Variants in FRMD3 observed in about 807,000 individuals in gnomAD.
FRMD3 encodes FERM domain-containing protein 3.
In FRMD3, 33 loss-of-function variants were observed where a neutral mutation model predicts 70.2. That is an observed-to-expected ratio of 0.47 (90% CI 0.36 to 0.63). FRMD3 has a LOEUF of 0.63. FRMD3 is among the 20% of genes least tolerant of loss of function. The pLI is 0.00. For synonymous variants in FRMD3, 279 were observed against 255.9 expected (o/e 1.09, Z -0.86); for missense variants, 632 against 711.4 (o/e 0.89, Z 1.27).
At chr9:83,271,748 A>G (rs949236383) in intron 13 of FRMD3, among the ~76,000 whole-genome samples, 2 of 152,196 alleles carry the variant, frequency 1.3e-5, no homozygotes, top group African/African-American at 2.4e-5. Flanking sequence ...GTAAGCTGAG[A>G]TAACTGCTCT....
intron 1 of FRMD3, among the ~76,000 whole-genome samples, chr9:83,516,298 A>G (rs1419988562): frequency 1.3e-5 from 2 of 152,132 alleles, no homozygotes; most frequent in East Asian, 3.9e-4. Flanking sequence ...TAGAAAGAAA[A>G]AAAAAAAAGC....
chr9:83,257,968 T>C (rs1428409505), intron 13 of FRMD3, among the ~76,000 whole-genome samples: 1 of 152,242 alleles, frequency 6.6e-6, no homozygotes, highest in East Asian at 1.9e-4. Context: ...AATATAACTA[T>C]GTTTTTATAC....
chr9:83,429,109 A>C (rs1020182229), intron 1 of FRMD3, among the ~76,000 whole-genome samples: 1 of 152,258 alleles, frequency 6.6e-6, no homozygotes, highest in Middle Eastern at 3.2e-3. Context: ...ATGAGAATTA[A>C]CGTGACTGAT....
intron 6 of FRMD3, among the ~76,000 whole-genome samples, chr9:83,323,539 C>T (rs1242642493): frequency 4.6e-5 from 7 of 152,238 alleles, no homozygotes; most frequent in South Asian, 4.1e-4. Flanking sequence ...TTCAGTTTGC[C>T]GTGCTCATGC....
the FRMD3 span, among the ~76,000 whole-genome samples, chr9:83,558,816 A>T: frequency 2.5e-4 from 38 of 152,370 alleles, no homozygotes; most frequent in East Asian, 7.1e-3. Flanking sequence ...ATCCACATGG[A>T]TGACTTTGAG....
At chr9:83,373,294 T>C (rs1825039724) in intron 2 of FRMD3, among the ~76,000 whole-genome samples, 2 of 152,180 alleles carry the variant, frequency 1.3e-5, no homozygotes, top group South Asian at 2.1e-4. Flanking sequence ...GAAAGCCGCA[T>C]ATGGCTAAAG....
At chr9:83,518,970 A>T (rs1829512614) in intron 1 of FRMD3, among the ~76,000 whole-genome samples, 1 of 152,218 alleles carries the variant, frequency 6.6e-6, no homozygotes, top group Admixed American at 6.5e-5. Flanking sequence ...CCCCTTCCTT[A>T]CACCTTATAC....
chr9:83,282,104 G>A (rs1487816363), intron 13 of FRMD3, among the ~76,000 whole-genome samples: 1 of 152,184 alleles, frequency 6.6e-6, no homozygotes, highest in Non-Finnish European at 1.5e-5. Flanking sequence ...TGAGTATAAG[G>A]ATGTAATCCC....
intron 10 of FRMD3, among the ~76,000 whole-genome samples, chr9:83,306,229 G>T (rs1483770393): frequency 2.6e-5 from 4 of 152,140 alleles, no homozygotes; most frequent in African/African-American, 9.7e-5. Context: ...AGCAAAACTT[G>T]CTGTGTGGCT....
At chr9:83,507,705 T>C (rs868650929) in intron 1 of FRMD3, among the ~76,000 whole-genome samples, 6 of 79,192 alleles carry the variant, frequency 7.6e-5, no homozygotes, top group Non-Finnish European at 1.4e-4. Flanking sequence ...TATATATATA[T>C]ATATATATAT....
At chr9:83,400,714 C>T (rs1486555841) in intron 1 of FRMD3, among the ~76,000 whole-genome samples, 1 of 152,070 alleles carries the variant, frequency 6.6e-6, no homozygotes, top group Non-Finnish European at 1.5e-5. Flanking sequence ...AATAGAGAAC[C>T]CAGAAATAGA....
At chr9:83,449,737 T>C (rs750849740) in intron 1 of FRMD3, among the ~76,000 whole-genome samples, 7 of 152,184 alleles carry the variant, frequency 4.6e-5, no homozygotes, top group Non-Finnish European at 8.8e-5. Flanking sequence ...TGATTGGACA[T>C]TATAACCAAG....
chr9:83,309,398 A>G, intron 10 of FRMD3, 138 bp downstream of exon 10: 1 of 588,078 alleles, frequency 1.7e-6, no homozygotes, highest in South Asian at 2.6e-5. Flanking sequence ...CACCCTGAAC[A>G]ATGCACAAAA....
intron 3 of FRMD3, among the ~76,000 whole-genome samples, chr9:83,359,578 T>C (rs1012196480): frequency 6.6e-6 from 1 of 152,110 alleles, no homozygotes; most frequent in African/African-American, 2.4e-5. Flanking sequence ...CCAGTTGTTG[T>C]AGTAGAGAAG....
intron 3 of FRMD3, among the ~76,000 whole-genome samples, chr9:83,357,592 A>AT (rs958072038): frequency 4.0e-5 from 6 of 151,622 alleles, no homozygotes; most frequent in African/African-American, 1.2e-4. Flanking sequence ...AACATTTATT[A>AT]TTTTTTTATT....
In FRMD3 at chr9:83,378,261, G is replaced by GTTTTT. The variant is rs141992984; in HGVS notation, c.253-5311_253-5307dup. On this transcript the variant is annotated intron_variant, in intron 2 of 13. Transcript: ENST00000304195. ...GAGTCTAACTGTGTCCTTCTTTTTT[G>GTTTTT]TTTTTTTTGTTTTTTTTGAGACAGA... 2.2e-4 allele frequency among the ~76,000 whole-genome samples: 29 copies of GTTTTT among 129,400 alleles called. 3 individuals are homozygous for GTTTTT. Among genetic ancestry groups the GTTTTT allele is most frequent in the Non-Finnish European group, 3.5e-4 (22 of 62,610 alleles). 84.9% of individuals were successfully genotyped at this position (129,400 alleles called of 152,430 possible).
chr9:83,335,643 T>C lies in FRMD3; in HGVS notation c.473-4A>G, dbSNP rs1823551688. The C allele has an allele frequency of 1.2e-6, 2 of 1,609,786 alleles. No homozygotes were observed. Among genetic ancestry groups the C allele is most frequent in the Non-Finnish European group, 1.7e-6 (2 of 1,178,096 alleles). ...GGATCGTAATCACCAAGCTCAGCTG[T>C]AATGAGTGAAAAAATAAAGAGACAG... On this transcript the variant is annotated splice_polypyrimidine_tract_variant and splice_region_variant and intron_variant, in intron 5 of 13. Coordinates refer to ENST00000304195, the MANE Select transcript of FRMD3 (RefSeq NM_174938.6).
At chr9:83,296,394 C>A (rs1374228583) in intron 12 of FRMD3, among the ~76,000 whole-genome samples, 1 of 152,206 alleles carries the variant, frequency 6.6e-6, no homozygotes, top group Non-Finnish European at 1.5e-5. Context: ...CTAGCTCATG[C>A]ATTCATTCAA....
chr9:83,381,452 A>C (rs1825350912), intron 2 of FRMD3, among the ~76,000 whole-genome samples: 1 of 151,996 alleles, frequency 6.6e-6, no homozygotes, highest in African/African-American at 2.4e-5. Flanking sequence ...GCTACTCAGG[A>C]GGCTGAGGCA....
Sources: gnomAD v4.1 joint callset for allele counts (sites outside exome capture counted in the v4.1 genomes callset) on GRCh38, gnomAD v4.1.1 for gene constraint, MANE v1.5 for transcripts, NCBI Gene and HGNC (gene_info 2026-07-23, HGNC 2026-07-21) for gene names.